Variants in CAPN14 observed in about 807,000 individuals in gnomAD.
CAPN14 encodes the protein calpain 14.
Under a neutral mutation model 101.3 loss-of-function variants are expected in CAPN14, and 94 were observed. That is an observed-to-expected ratio of 0.93 (90% CI 0.79 to 1.10). CAPN14 has a LOEUF of 1.10. CAPN14 is among the 50% of genes least tolerant of loss of function. The pLI is 0.00. For missense variants in CAPN14, 837 were observed against 828.4 expected (o/e 1.01, Z -0.13); for synonymous variants, 338 against 317.9 (o/e 1.06, Z -0.67).
At chr2:31,200,662 T>A in intron 5 of CAPN14, 37 bp from the exon 6 acceptor site, 2 of 1,495,898 alleles carry the variant, frequency 1.3e-6, no homozygotes, top group Non-Finnish European at 1.8e-6. Context: ...AGGAAAAAAG[T>A]ATCATGAGTA....
intron 18 of CAPN14, 75 bp from the exon 19 acceptor site, chr2:31,177,896 G>A (rs747539237): frequency 6.2e-5 from 65 of 1,042,794 alleles, no homozygotes; most frequent in Non-Finnish European, 8.8e-5. Context: ...TGTGCCCCTT[G>A]TCAGCACCGC....
rs1680200493 is a variant in CAPN14, at chr2:31,174,555, A to G, written c.*126T>C. On this transcript the variant is annotated 3_prime_UTR_variant, in exon 22 of 22. Transcript: ENST00000403897. ...CAGAAGAGAAACCTTCCCAGCTGAG[A>G]AGGTGACGGCTAGTGAGGCTGTCCT... 1 of 952,814 alleles carries G rather than the reference A, an allele frequency of 1.0e-6. No homozygotes were observed. The highest frequency in any genetic ancestry group is 1.6e-6 in the Non-Finnish European group (1 of 618,914). 59.0% of individuals were successfully genotyped at this position (952,814 alleles called of 1,614,324 possible). A position where few individuals can be genotyped will look rare whatever the true frequency, so the allele number is the denominator to read the frequency against.
chr2:31,231,030 C>G (rs1023931990), intron 1 of CAPN14, among the ~76,000 whole-genome samples: 1 of 152,176 alleles, frequency 6.6e-6, no homozygotes, highest in African/African-American at 2.4e-5. Flanking sequence ...AACTCCATAA[C>G]AATGTCCACT....
Position 31,204,423 on chromosome 2 carries a change from T to A in CAPN14, c.225+800A>T, listed in dbSNP as rs546299336. On this transcript the variant is annotated intron_variant, in intron 2 of 21. Transcript: ENST00000403897. ...ATGCTAATGATTGACTGGTGACTGG[T>A]GGTCCCTAGGTAGCTTCAGGATAGG... Among the ~76,000 whole-genome samples the A allele has an allele frequency of 2.6e-5, 4 of 152,262 alleles. No individual in the cohort carries two copies. In the South Asian group the frequency reaches 8.3e-4, roughly 32 times the overall value.
upstream of CAPN14, among the ~76,000 whole-genome samples, chr2:31,218,362 A>G (rs1386908591): frequency 3.3e-5 from 5 of 151,818 alleles, no homozygotes; most frequent in East Asian, 9.7e-4. Flanking sequence ...ACCCAGAACC[A>G]TGCCTAGTAC....
At chr2:31,223,556 TTTGA>T (rs1682925586) in intron 2 of CAPN14, among the ~76,000 whole-genome samples, 1 of 150,782 alleles carries the variant, frequency 6.6e-6, no homozygotes, top group African/African-American at 2.4e-5. Context: ...TTTTTTTTTT[TTTGA>T]GATGGAGTCC....
In CAPN14 at chr2:31,205,455, G is replaced by T. The variant is rs1468869526; in HGVS notation, c.-8C>A. Reference sequence around the variant, plus strand: ...AGGTGGCCACAGAGACATGGCAGGTGGTGGGTACAGTCCAGTGAGTCTTCC... The same window carrying T: ...AGGTGGCCACAGAGACATGGCAGGTTGTGGGTACAGTCCAGTGAGTCTTCC... On this transcript the variant is annotated 5_prime_UTR_variant, in exon 2 of 22. Transcript: ENST00000403897. The T allele has an allele frequency of 5.2e-6, 8 of 1,549,736 alleles. No individual in the cohort carries two copies. Among genetic ancestry groups the T allele is most frequent in the Non-Finnish European group, 7.0e-6 (8 of 1,145,402 alleles).
At chr2:31,215,631 C>T (rs1038313627) in intron 1 of CAPN14, among the ~76,000 whole-genome samples, 24 of 152,048 alleles carry the variant, frequency 1.6e-4, no homozygotes, top group South Asian at 1.5e-3. Flanking sequence ...CTCTTGTCTT[C>T]TCCTTGTGGG....
intron 20 of CAPN14, 150 bp downstream of exon 20, chr2:31,176,876 A>C (rs1680321475): frequency 1.4e-6 from 1 of 697,064 alleles, no homozygotes; most frequent in Non-Finnish European, 2.5e-6. Flanking sequence ...GCCAGGGTTC[A>C]CAGGCACTTG....
At chr2:31,207,645 T>C (rs1682169199) in intron 1 of CAPN14, among the ~76,000 whole-genome samples, 1 of 152,122 alleles carries the variant, frequency 6.6e-6, no homozygotes, top group Non-Finnish European at 1.5e-5. Context: ...TGTATGACTG[T>C]AATCTTAGCT....
intron 7 of CAPN14, among the ~76,000 whole-genome samples, chr2:31,197,588 G>A (rs1681531969): frequency 6.6e-6 from 1 of 152,234 alleles, no homozygotes; most frequent in African/African-American, 2.4e-5. Context: ...ATAGTGGGTT[G>A]AATGGTGATC....
At chr2:31,181,827 C>G (rs1237992250) in intron 16 of CAPN14, among the ~76,000 whole-genome samples, 4 of 150,638 alleles carry the variant, frequency 2.7e-5, no homozygotes, top group African/African-American at 9.8e-5. Context: ...CCAATTTCAT[C>G]CATGTCCCTA....
rs1310160567 is a variant in CAPN14, at chr2:31,173,586, C to T, written c.*1095G>A. ...AGACTTGTCAGTTGAACACCTCAAA[C>T]CCAAAAATTCAAAATCCAAAATGCC... On this transcript the variant is annotated 3_prime_UTR_variant, in exon 22 of 22. Coordinates refer to ENST00000403897, the MANE Select transcript of CAPN14 (RefSeq NM_001145122.2). 6.6e-6 allele frequency: 1 copy of T among 152,176 alleles called. No individual in the cohort carries two copies. The highest frequency in any genetic ancestry group is 1.5e-5 in the Non-Finnish European group (1 of 68,040). 9.4% of individuals were successfully genotyped at this position (152,176 alleles called of 1,614,324 possible).
intron 15 of CAPN14, among the ~76,000 whole-genome samples, 169 bp from the exon 16 acceptor site, chr2:31,186,654 A>T (rs1680913378): frequency 6.6e-6 from 1 of 152,216 alleles, no homozygotes. Flanking sequence ...CATGACTTTC[A>T]AGAACAGTGA....
chr2:31,178,448 G>C, intron 18 of CAPN14, 63 bp downstream of exon 18: 1 of 1,270,486 alleles, frequency 7.9e-7, no homozygotes, highest in Non-Finnish European at 1.1e-6. Context: ...ATCTTCTACA[G>C]CTTTGCAGAA....
At chr2:31,206,946 C>A (rs987967834) in intron 1 of CAPN14, among the ~76,000 whole-genome samples, 1 of 152,076 alleles carries the variant, frequency 6.6e-6, no homozygotes, top group Non-Finnish European at 1.5e-5. Context: ...ATGGCTCTTA[C>A]AGTTTAGAGG....
In CAPN14 at chr2:31,177,235, G is replaced by A. The variant is rs976947249; in HGVS notation, c.1856-93C>T. On this transcript the variant is annotated intron_variant, in intron 19 of 21. Transcript: ENST00000403897. ...CCCCTTCAAATGTCCCTCCAGTTTA[G>A]GGACCTGAATCCTGATAGCATGGAA... 3.8e-5 allele frequency: 29 copies of A among 761,792 alleles called. No individual in the cohort carries two copies. In the South Asian group the frequency reaches 4.9e-4, roughly 13 times the overall value. 47.2% of individuals were successfully genotyped at this position (761,792 alleles called of 1,614,324 possible).
At position 31,225,085 on chromosome 2, in the gene CAPN14, C is replaced by T. The variant is rs149387335; in HGVS notation, c.-53+1443G>A. 4.4e-4 allele frequency among the ~76,000 whole-genome samples: 67 copies of T among 152,002 alleles called. No individual in the cohort carries two copies. The East Asian group carries it at 0.013, about 29-fold the overall frequency. ...CACAGACAAAAGATTAATAAATGTCCTTACTGTAAAAATTAAAAACTCTTT... is the reference window on the plus strand; with the variant it reads ...CACAGACAAAAGATTAATAAATGTCTTTACTGTAAAAATTAAAAACTCTTT... On this transcript the variant is annotated intron_variant and NMD_transcript_variant, in intron 2 of 21. Transcript: ENST00000398824.
At chr2:31,201,525 T>C (rs964696283) in intron 5 of CAPN14, among the ~76,000 whole-genome samples, 1 of 152,146 alleles carries the variant, frequency 6.6e-6, no homozygotes, top group Non-Finnish European at 1.5e-5. Context: ...AAACTGTAGA[T>C]TAGATGGGCC....
Sources: gnomAD v4.1 joint callset for allele counts (sites outside exome capture counted in the v4.1 genomes callset) on GRCh38, gnomAD v4.1.1 for gene constraint, MANE v1.5 for transcripts, NCBI Gene and HGNC (gene_info 2026-07-23, HGNC 2026-07-21) for gene names.